Variants in MTX2 observed in about 807,000 individuals in gnomAD.
MTX2 encodes metaxin 2, also known as metaxin-2.
MTX2 carries 35 observed loss-of-function variants against 42.3 expected under a neutral mutation model. The ratio of observed to expected loss-of-function variants is 0.83; its 90% CI spans 0.63 to 1.10. The LOEUF (loss-of-function observed/expected upper bound fraction) is 1.10, where lower values mean the gene tolerates loss of function less well. MTX2 is among the 50% of genes least tolerant of loss of function. MTX2 has a pLI of 0.00. For missense variants in MTX2, 307 were observed against 304.1 expected, an observed-to-expected ratio of 1.01 and a Z score of -0.07; for synonymous variants, 119 against 100.9, an observed-to-expected ratio of 1.18 and a Z score of -1.08.
At chr2:176,281,892 C>T (rs1485528210) in intron 1 of MTX2, among the ~76,000 whole-genome samples, 1 of 152,042 alleles carries the variant, frequency 6.6e-6, no homozygotes, top group Non-Finnish European at 1.5e-5. Context: ...TATACAAATA[C>T]TCCTTTATTC....
At chr2:176,334,653 A>G (rs1208967343) in intron 9 of MTX2, among the ~76,000 whole-genome samples, 1 of 152,010 alleles carries the variant, frequency 6.6e-6, no homozygotes, top group Non-Finnish European at 1.5e-5. Flanking sequence ...GAATGTCAAA[A>G]GAGTGGAAGG....
intron 3 of MTX2, among the ~76,000 whole-genome samples, chr2:176,303,016 G>C (rs1684062869): frequency 6.6e-6 from 1 of 152,010 alleles, no homozygotes; most frequent in Admixed American, 6.6e-5. Context: ...AATTTGTCTT[G>C]TCATTTAAAT....
At chr2:176,329,249 G>T in intron 7 of MTX2, 52 bp from the exon 8 acceptor site, 1 of 1,513,510 alleles carries the variant, frequency 6.6e-7, no homozygotes, top group Non-Finnish European at 8.9e-7. Flanking sequence ...TTGTAAAAAC[G>T]GGCATTGTTT....
In MTX2 at chr2:176,290,054, A is replaced by G. The variant is rs1693293498; in HGVS notation, c.41-6806A>G. Among the ~76,000 whole-genome samples the G allele has an allele frequency of 3.9e-5, 6 of 152,164 alleles. 1 individual carries two copies. The highest frequency in any genetic ancestry group is 3.3e-4 in the Admixed American group (5 of 15,266). ...AAGAAAAATGCAGACTGCTATGGAC[A>G]GTATAGATAAAGGAGAAATTAGATT... On this transcript the variant is annotated intron_variant, in intron 1 of 9. Transcript: ENST00000249442.
Position 176,328,932 on chromosome 2 carries a change from T to A in MTX2, c.417+20T>A. 2 of 1,588,364 alleles carry A rather than the reference T, an allele frequency of 1.3e-6. No individual in the cohort carries two copies. The highest frequency in any genetic ancestry group is 1.7e-6 in the Non-Finnish European group (2 of 1,159,610). On this transcript the variant is annotated intron_variant, in intron 7 of 9. Transcript: ENST00000249442. The stretch of plus-strand genomic sequence containing the variant: ...GGGGAGGTGAGTGGTTCTGTAACAT[T>A]TATCTTAATTAAAATTTAATGAGAA...
chr2:176,306,508 T>C (rs1277203454), intron 3 of MTX2, among the ~76,000 whole-genome samples: 2 of 152,224 alleles, frequency 1.3e-5, no homozygotes, highest in Non-Finnish European at 1.5e-5. Flanking sequence ...ATGGTTGAGC[T>C]AATTTACACT....
In MTX2 at chr2:176,282,409, C is replaced by T. The variant is rs571340814; in HGVS notation, c.40+12740C>T. Among the ~76,000 whole-genome samples the T allele has an allele frequency of 4.5e-4, 69 of 151,904 alleles. 1 individual carries two copies. The highest frequency in any genetic ancestry group is 1.6e-3 in the African/African-American group (66 of 41,458). ...AAGCCTTTGCTGAACATTTTGCCTC[C>T]GTTTCCTCAAACTGCATTAGGGATG... On this transcript the variant is annotated intron_variant, in intron 1 of 9. Coordinates refer to ENST00000249442, the MANE Select transcript of MTX2 (RefSeq NM_006554.5).
At chr2:176,317,037 T>TA (rs141704247) in intron 3 of MTX2, among the ~76,000 whole-genome samples, 53,652 of 137,618 alleles carry the variant, frequency 0.39, 11,848 homozygotes, top group Admixed American at 0.54. Flanking sequence ...AGTGTCTTTT[T>TA]TAAAAAAAAA....
intron 1 of MTX2, among the ~76,000 whole-genome samples, chr2:176,273,925 A>AC (rs1692884249): frequency 6.6e-6 from 1 of 151,392 alleles, no homozygotes; most frequent in South Asian, 2.1e-4. Context: ...AAAAAAAAAA[A>AC]ACCTCCTCTT....
chr2:176,282,826 C>T (rs183033663), intron 1 of MTX2, among the ~76,000 whole-genome samples: 23 of 151,934 alleles, frequency 1.5e-4, no homozygotes, highest in Admixed American at 1.4e-3. Context: ...GCCTTAGCCT[C>T]CTGAGTAGCT....
chr2:176,316,208 T>C (rs183294924), intron 3 of MTX2, among the ~76,000 whole-genome samples: 3 of 152,326 alleles, frequency 2.0e-5, no homozygotes. Context: ...TTTTGAACTA[T>C]GTTTTAATGT....
chr2:176,309,491 G>T (rs12991263), intron 3 of MTX2, among the ~76,000 whole-genome samples: 6,635 of 152,184 alleles, frequency 0.044, 205 homozygotes, highest in Non-Finnish European at 0.069. Context: ...TGACAGTGGG[G>T]TGTTAAAGTA....
At chr2:176,297,805 A>G (rs775638385) in intron 2 of MTX2, 44 bp from the exon 3 acceptor site, 39 of 1,346,402 alleles carry the variant, frequency 2.9e-5, no homozygotes, top group Middle Eastern at 2.5e-4. Context: ...TAAAAATACT[A>G]TATTCTACTT....
chr2:176,315,659 AC>A (rs1240504129), intron 3 of MTX2, among the ~76,000 whole-genome samples: 5 of 152,120 alleles, frequency 3.3e-5, no homozygotes, highest in Non-Finnish European at 7.4e-5. Context: ...CTTCACAATT[AC>A]CTATAAGGTC....
At chr2:176,314,265 G>C (rs1172375914) in intron 3 of MTX2, among the ~76,000 whole-genome samples, 1 of 151,814 alleles carries the variant, frequency 6.6e-6, no homozygotes, top group Admixed American at 6.6e-5. Context: ...GCAAAACCCC[G>C]TCTCTACTAA....
At chr2:176,334,179 C>T (rs1453137352) in intron 9 of MTX2, among the ~76,000 whole-genome samples, 2 of 151,734 alleles carry the variant, frequency 1.3e-5, no homozygotes, top group Non-Finnish European at 3.0e-5. Flanking sequence ...ACTTCTGGAG[C>T]ACTCTCATTT....
At chr2:176,278,494 T>C (rs1350581932) in intron 1 of MTX2, among the ~76,000 whole-genome samples, 2 of 152,198 alleles carry the variant, frequency 1.3e-5, no homozygotes. Flanking sequence ...TTATTAACAT[T>C]TTATACTCTG....
rs199923822 is a variant in MTX2, at chr2:176,296,578, G to GT, written c.41-274dup. Among the ~76,000 whole-genome samples, 458 of 151,866 alleles carry GT rather than the reference G, an allele frequency of 3.0e-3. 2 individuals are homozygous for GT. The highest frequency in any genetic ancestry group is 5.8e-3 in the South Asian group (28 of 4,788). On this transcript the variant is annotated intron_variant, in intron 1 of 9. Transcript: ENST00000249442. ...GGAATTGTAGCATATGAGCTATTTT[G>GT]TTTTTTTTATTCTCATTTTGGATTG...
chr2:176,287,479 G>A (rs1163899508), intron 1 of MTX2, among the ~76,000 whole-genome samples: 2 of 152,124 alleles, frequency 1.3e-5, no homozygotes, highest in African/African-American at 4.8e-5. Context: ...TTTTGGGTTA[G>A]GGTTGCTTAA....
Sources: gnomAD v4.1 joint callset for allele counts (sites outside exome capture counted in the v4.1 genomes callset) on GRCh38, gnomAD v4.1.1 for gene constraint, MANE v1.5 for transcripts, NCBI Gene and HGNC (gene_info 2026-07-23, HGNC 2026-07-21) for gene names.